Variants in PRKN observed in about 807,000 individuals in gnomAD.
PRKN encodes E3 ubiquitin-protein ligase parkin.
PRKN carries 56 observed loss-of-function variants against 59.5 expected under a neutral mutation model. The ratio of observed to expected loss-of-function variants is 0.94; its 90% CI spans 0.76 to 1.18. The LOEUF is 1.18. Among genes scored for constraint, PRKN ranks in the 50% most tolerant of loss-of-function variants. The pLI is 0.00. For synonymous variants in PRKN, 250 were observed against 222.1 expected (o/e 1.13, Z -1.12); for missense variants, 657 against 596.4 (o/e 1.10, Z -1.06).
intron 10 of PRKN, among the ~76,000 whole-genome samples, chr6:161,380,706 C>T (rs140520009): frequency 1.3e-5 from 2 of 152,240 alleles, no homozygotes; most frequent in East Asian, 1.9e-4. Context: ...GGAAGTGTAA[C>T]ACAACGTTGC....
chr6:162,409,158 T>C (rs942336704), intron 2 of PRKN, among the ~76,000 whole-genome samples: 1 of 151,440 alleles, frequency 6.6e-6, no homozygotes, highest in Non-Finnish European at 1.5e-5. Context: ...CCCTCCCTTT[T>C]CTTTTCTTTT....
At chr6:162,305,017 G>A (rs1350616373) in intron 2 of PRKN, among the ~76,000 whole-genome samples, 1 of 152,148 alleles carries the variant, frequency 6.6e-6, no homozygotes, top group Non-Finnish European at 1.5e-5. Context: ...TGAGACCTCA[G>A]ATATGGAACA....
rs1790727880 is a variant in PRKN, at chr6:161,470,373, G to C, written c.1083+78481C>G. Among the ~76,000 whole-genome samples, 1 of 152,136 alleles carries C rather than the reference G, an allele frequency of 6.6e-6. No homozygotes were observed. Among genetic ancestry groups the C allele is most frequent in the Admixed American group, 6.5e-5 (1 of 15,282 alleles). ...CTCATCACTCTTCTGCTGGAGCTGG[G>C]AGTGGTGGAAGACCTGAGGTTTTCC... On this transcript the variant is annotated intron_variant, in intron 9 of 11. Coordinates refer to ENST00000366898, the MANE Select transcript of PRKN (RefSeq NM_004562.3). The surrounding 1 kb of genome is among the most constrained non-coding windows in gnomAD (Gnocchi z 5.1).
rs1260805138 is a variant in PRKN at position 161,361,306 on chromosome 6, ATTAGTGTTCATGT to A, written c.1168-1114_1168-1102del. Reference sequence around the variant, plus strand: ...ACTGCATTTAATAGTTTCTTTAGGAATTAGTGTTCATGTTTCTGTTATTTCTGTGGAAAGTCAA... The same window carrying A: ...ACTGCATTTAATAGTTTCTTTAGGAATTCTGTTATTTCTGTGGAAAGTCAA... On this transcript the variant is annotated intron_variant, in intron 10 of 11. Transcript: ENST00000366898. This position sits in a 1 kb window ranked among gnomAD's most constrained non-coding sequence, Gnocchi z 5.2. Among the ~76,000 whole-genome samples the A allele has an allele frequency of 6.6e-6, 1 of 152,218 alleles. No homozygotes were observed. Among genetic ancestry groups the A allele is most frequent in the South Asian group, 2.1e-4 (1 of 4,834 alleles).
intron 6 of PRKN, among the ~76,000 whole-genome samples, chr6:161,896,975 T>C (rs561231263): frequency 6.6e-6 from 1 of 152,208 alleles, no homozygotes; most frequent in Non-Finnish European, 1.5e-5. Flanking sequence ...TTGGGCATGA[T>C]AGAATTGGAG....
At chr6:162,172,926 G>C (rs1783355987) in intron 4 of PRKN, among the ~76,000 whole-genome samples, 1 of 152,110 alleles carries the variant, frequency 6.6e-6, no homozygotes. Flanking sequence ...GGGGCGTGTG[G>C]GAGTGTAGAG....
At chr6:161,477,968 A>C (rs1281352249) in intron 9 of PRKN, among the ~76,000 whole-genome samples, 1 of 152,188 alleles carries the variant, frequency 6.6e-6, no homozygotes, top group Non-Finnish European at 1.5e-5. Context: ...GTAAAGTGCA[A>C]ATGAACGGTT....
At chr6:162,236,393 G>A (rs1778715842) in intron 3 of PRKN, among the ~76,000 whole-genome samples, 1 of 152,112 alleles carries the variant, frequency 6.6e-6, no homozygotes, top group Non-Finnish European at 1.5e-5. Flanking sequence ...GAAGAAGCTG[G>A]CCCTAGGGTA....
At chr6:161,700,182 G>C (rs1228572568) in intron 7 of PRKN, among the ~76,000 whole-genome samples, 3 of 151,668 alleles carry the variant, frequency 2.0e-5, no homozygotes, top group Non-Finnish European at 4.4e-5. Flanking sequence ...TACCTCCCCA[G>C]CTCTCCTTGG....
intron 9 of PRKN, among the ~76,000 whole-genome samples, chr6:161,506,514 C>A (rs1469176785): frequency 6.6e-6 from 1 of 152,170 alleles, no homozygotes; most frequent in East Asian, 1.9e-4. Flanking sequence ...ACGTTACCTG[C>A]AAACTCAATA....
chr6:162,574,767 G>GTT (rs11319727), intron 1 of PRKN, among the ~76,000 whole-genome samples: 4 of 133,606 alleles, frequency 3.0e-5, no homozygotes, highest in African/African-American at 1.2e-4. Flanking sequence ...ATACTAAGTT[G>GTT]TTTTTTTTTT....
At chr6:162,422,977 A>AAAAG (rs397969833) in intron 2 of PRKN, among the ~76,000 whole-genome samples, 2 of 145,510 alleles carry the variant, frequency 1.4e-5, no homozygotes, top group African/African-American at 5.2e-5. Context: ...AAAAAAAAAA[A>AAAAG]GCATCATAAG....
At chr6:162,026,788 C>T (rs1783452108) in intron 5 of PRKN, among the ~76,000 whole-genome samples, 1 of 152,102 alleles carries the variant, frequency 6.6e-6, no homozygotes, top group African/African-American at 2.4e-5. Flanking sequence ...AATTTCAGAT[C>T]ACATGAAGAG....
In PRKN at chr6:162,339,276, G is replaced by A. The variant is rs199896171; in HGVS notation, c.172-76511C>T. On this transcript the variant is annotated intron_variant, in intron 2 of 11. Coordinates refer to ENST00000366898, the MANE Select transcript of PRKN (RefSeq NM_004562.3). Reference sequence around the variant, plus strand: ...AGCCCCCCGCCCGGCCAGCCGCCCCGTCCGGGAGGGAGGTGGGGGGGTCAG... The same window carrying A: ...AGCCCCCCGCCCGGCCAGCCGCCCCATCCGGGAGGGAGGTGGGGGGGTCAG... 0.039 allele frequency among the ~76,000 whole-genome samples: 5,401 copies of A among 137,160 alleles called. 452 individuals carry two copies. The East Asian group carries it at 0.4, about 10-fold the overall frequency. The allele number at this position is 137,160 out of a possible 152,430, so 90.0% of individuals were successfully genotyped here.
intron 7 of PRKN, among the ~76,000 whole-genome samples, chr6:161,778,740 A>T (rs1041397171): frequency 1.3e-5 from 2 of 152,132 alleles, no homozygotes; most frequent in Admixed American, 6.5e-5. Flanking sequence ...CAGCACCAGG[A>T]GTGCACGATC....
Position 162,580,440 on chromosome 6 carries a change from GA to G in PRKN, c.8-136968del, listed in dbSNP as rs56059992. On this transcript the variant is annotated intron_variant, in intron 1 of 11. Coordinates refer to ENST00000366898, the MANE Select transcript of PRKN (RefSeq NM_004562.3). ...GGCTACAAAGCAAGACCCTGTCTCA[GA>G]AAAAAAAAAAAAAAAGTAAAGAAAA... is the stretch of plus-strand genomic sequence containing the variant. Among the ~76,000 whole-genome samples the G allele has an allele frequency of 5.4e-3, 657 of 120,556 alleles. 2 individuals carry two copies. Among genetic ancestry groups the G allele is most frequent in the African/African-American group, 0.017 (501 of 29,520 alleles). The allele number at this position is 120,556 out of a possible 152,430, so 79.1% of individuals were successfully genotyped here.
At chr6:162,039,802 C>G (rs980031839) in intron 5 of PRKN, among the ~76,000 whole-genome samples, 6 of 152,028 alleles carry the variant, frequency 3.9e-5, no homozygotes, top group African/African-American at 1.4e-4. Flanking sequence ...TGCACACAAA[C>G]AGACAGACAG....
At chr6:161,938,904 C>T (rs1779451133) in intron 6 of PRKN, among the ~76,000 whole-genome samples, 2 of 152,126 alleles carry the variant, frequency 1.3e-5, no homozygotes, top group Admixed American at 1.3e-4. Flanking sequence ...CTTTGCAATT[C>T]CTTTGAACTG....
chr6:161,917,237 C>G (rs1446967620), intron 6 of PRKN, among the ~76,000 whole-genome samples: 1 of 152,126 alleles, frequency 6.6e-6, no homozygotes, highest in Non-Finnish European at 1.5e-5. Context: ...TCCCGAGTAG[C>G]TGGGACTACA....
Sources: gnomAD v4.1 joint callset for allele counts (sites outside exome capture counted in the v4.1 genomes callset) on GRCh38, gnomAD v4.1.1 for gene constraint, Gnocchi (gnomAD v3.1) non-coding constraint, MANE v1.5 for transcripts, NCBI Gene and HGNC (gene_info 2026-07-23, HGNC 2026-07-21) for gene names.